The following IMMP2L variants were observed in gnomAD, a reference collection of about 807,000 sequenced individuals.
IMMP2L encodes the protein inner mitochondrial membrane peptidase subunit 2.
IMMP2L carries 18 observed loss-of-function variants against 19.3 expected under a neutral mutation model. The observed-to-expected ratio is 0.93, with a 90% confidence interval of 0.64 to 1.38. The LOEUF is 1.38. Ranked by LOEUF, IMMP2L falls within the 40% of genes most tolerant of loss-of-function variation. IMMP2L has a pLI of 0.00. For synonymous variants in IMMP2L, 76 were observed against 73.0 expected (o/e 1.04, Z -0.21); for missense variants, 233 against 218.2 (o/e 1.07, Z -0.43).
rs903080905 is a variant in IMMP2L, at chr7:111,409,508, C to T, written c.239+77730G>A. ...TGTACATGTACATCACCAACTTGCA[C>T]ATACATGCAAGTAAAATTAAATTAC... On this transcript the variant is annotated intron_variant, in intron 3 of 5. Coordinates refer to ENST00000405709, the MANE Select transcript of IMMP2L (RefSeq NM_032549.4). Among the ~76,000 whole-genome samples, 35 of 151,856 alleles carry T rather than the reference C, an allele frequency of 2.3e-4. 2 individuals are homozygous for T. Among genetic ancestry groups the T allele is most frequent in the African/African-American group, 8.5e-4 (35 of 41,270 alleles).
At chr7:111,074,122 A>G (rs906378752) in intron 3 of IMMP2L, among the ~76,000 whole-genome samples, 1 of 152,238 alleles carries the variant, frequency 6.6e-6, no homozygotes, top group Non-Finnish European at 1.5e-5. Context: ...TGGAAGGGAC[A>G]CCAGAGACAA....
intron 3 of IMMP2L, among the ~76,000 whole-genome samples, chr7:111,362,959 G>C (rs1242822820): frequency 2.0e-5 from 3 of 152,014 alleles, no homozygotes; most frequent in African/African-American, 7.2e-5. Context: ...TGGAAACTGA[G>C]GACTTAGATT....
chr7:110,848,294 A>T (rs1400718216), intron 5 of IMMP2L, among the ~76,000 whole-genome samples: 1 of 152,202 alleles, frequency 6.6e-6, no homozygotes, highest in Non-Finnish European at 1.5e-5. Flanking sequence ...TTGGTAAGCA[A>T]GCATATGTAA....
At chr7:111,533,692 A>G (rs928681248) in intron 1 of IMMP2L, among the ~76,000 whole-genome samples, 2 of 152,168 alleles carry the variant, frequency 1.3e-5, no homozygotes, top group African/African-American at 4.8e-5. Context: ...TAAATTCATT[A>G]TAAGAAAATA....
intron 5 of IMMP2L, among the ~76,000 whole-genome samples, chr7:110,738,700 AAATAC>A (rs1796801943): frequency 6.6e-6 from 1 of 152,198 alleles, no homozygotes; most frequent in Non-Finnish European, 1.5e-5. Context: ...CTAGACATCC[AAATAC>A]AAGAAGCTCA....
chr7:111,281,156 CAGAAAGAA>C (rs1157660179), intron 3 of IMMP2L, among the ~76,000 whole-genome samples: 5,572 of 66,964 alleles, frequency 0.083, 196 homozygotes, highest in Middle Eastern at 0.12. Flanking sequence ...GACAGAAAGA[CAGAAAGAA>C]AGAAAGAAAG....
intron 5 of IMMP2L, among the ~76,000 whole-genome samples, chr7:110,702,558 T>C (rs746553033): frequency 1.3e-5 from 2 of 152,288 alleles, no homozygotes; most frequent in Non-Finnish European, 2.9e-5. Context: ...AAGAACACGG[T>C]ATATTTTCCA....
At chr7:110,729,781 A>T (rs1796129366) in intron 5 of IMMP2L, among the ~76,000 whole-genome samples, 1 of 152,146 alleles carries the variant, frequency 6.6e-6, no homozygotes, top group South Asian at 2.1e-4. Flanking sequence ...CGGGGGAGGG[A>T]GAGCATCAGG....
At chr7:111,112,938 A>C (rs1311080604) in intron 3 of IMMP2L, among the ~76,000 whole-genome samples, 1 of 152,116 alleles carries the variant, frequency 6.6e-6, no homozygotes, top group Non-Finnish European at 1.5e-5. Context: ...AGCTAATTTT[A>C]TTTCCTTTCT....
chr7:110,678,836 G>C lies in IMMP2L; in HGVS notation c.409-15115C>G, dbSNP rs564093981. Among the ~76,000 whole-genome samples, 11 of 152,228 alleles carry C rather than the reference G, an allele frequency of 7.2e-5. No individual in the cohort carries two copies. In the South Asian group the frequency reaches 1.9e-3, roughly 26 times the overall value. On this transcript the variant is annotated intron_variant, in intron 5 of 5. Coordinates refer to ENST00000405709, the MANE Select transcript of IMMP2L (RefSeq NM_032549.4). ...CTCCTAATCTTTCATTAATTTCAAA[G>C]GTGAGATAATGTGATAGGTTGATAC...
intron 2 of IMMP2L, among the ~76,000 whole-genome samples, chr7:111,509,801 C>A (rs544187974): frequency 1.3e-5 from 2 of 152,068 alleles, no homozygotes; most frequent in East Asian, 1.9e-4. Context: ...ACCAGAAACA[C>A]CCTCAAAGTC....
At chr7:110,847,324 C>G (rs191445845) in intron 5 of IMMP2L, among the ~76,000 whole-genome samples, 177 of 152,182 alleles carry the variant, frequency 1.2e-3, no homozygotes, top group Middle Eastern at 3.4e-3. Context: ...ATGCAAAGCA[C>G]CTGATTTTCT....
chr7:110,948,328 A>G (rs537382219), intron 4 of IMMP2L, among the ~76,000 whole-genome samples: 4 of 152,364 alleles, frequency 2.6e-5, no homozygotes, highest in African/African-American at 9.6e-5. Flanking sequence ...ATACATAGGT[A>G]TCACTCACAA....
chr7:110,988,646 A>G (rs1822109344), intron 3 of IMMP2L, among the ~76,000 whole-genome samples: 1 of 152,176 alleles, frequency 6.6e-6, no homozygotes, highest in African/African-American at 2.4e-5. Context: ...CCTGGTCTAT[A>G]TACATGCCCA....
chr7:111,531,359 A>G (rs568175121), intron 1 of IMMP2L, among the ~76,000 whole-genome samples: 1 of 151,798 alleles, frequency 6.6e-6, no homozygotes, highest in South Asian at 2.1e-4. Flanking sequence ...ATAAAGCAAA[A>G]TCCTTTAACA....
intron 3 of IMMP2L, among the ~76,000 whole-genome samples, chr7:111,464,425 G>T (rs1840421404): frequency 6.6e-6 from 1 of 152,186 alleles, no homozygotes; most frequent in South Asian, 2.1e-4. Flanking sequence ...GAATATTACA[G>T]TGAGCTATGA....
At chr7:111,073,953 C>T (rs1795173343) in intron 3 of IMMP2L, among the ~76,000 whole-genome samples, 1 of 152,170 alleles carries the variant, frequency 6.6e-6, no homozygotes, top group South Asian at 2.1e-4. Context: ...CTGTTCCTCT[C>T]TATCCCTTGG....
At chr7:111,415,123 C>T (rs944125531) in intron 3 of IMMP2L, among the ~76,000 whole-genome samples, 1 of 151,770 alleles carries the variant, frequency 6.6e-6, no homozygotes, top group East Asian at 1.9e-4. Flanking sequence ...GAAGGATAAG[C>T]CTCAAAGCTT....
At chr7:111,095,412 A>G (rs1797298818) in intron 3 of IMMP2L, among the ~76,000 whole-genome samples, 2 of 152,082 alleles carry the variant, frequency 1.3e-5, no homozygotes, top group East Asian at 1.9e-4. Context: ...AAAACCTCCT[A>G]TGTGCAAAAA....
Sources: allele counts gnomAD v4.1 joint callset (sites outside exome capture counted in the v4.1 genomes callset), GRCh38; gene constraint gnomAD v4.1.1; transcripts MANE v1.5; gene names NCBI Gene and HGNC (gene_info 2026-07-23, HGNC 2026-07-21).